The following PXDN variants were observed in gnomAD, a reference collection of about 807,000 sequenced individuals.
The protein encoded by PXDN is peroxidasin, also known as peroxidasin homolog.
A neutral mutation model predicts 140.3 loss-of-function variants in PXDN; 77 were observed. That is an observed-to-expected ratio of 0.55 (90% CI 0.46 to 0.66). The LOEUF (loss-of-function observed/expected upper bound fraction) is 0.66, where lower values mean the gene tolerates loss of function less well. Ranked by LOEUF, PXDN falls within the 30% of genes least tolerant of loss-of-function variation. The pLI, the probability that PXDN is intolerant of heterozygous loss-of-function variation, is 0.00. For missense variants in PXDN, 1,838 were observed against 2,039.5 expected, an observed-to-expected ratio of 0.90 and a Z score of 1.90; for synonymous variants, 911 against 857.4, an observed-to-expected ratio of 1.06 and a Z score of -1.09.
At chr2:1,707,462 A>G (rs1684644898) in intron 1 of PXDN, among the ~76,000 whole-genome samples, 1 of 152,266 alleles carries the variant, frequency 6.6e-6, no homozygotes, top group Non-Finnish European at 1.5e-5. Context: ...TGCCTCATCC[A>G]CGCCTTCTGA....
At position 1,662,064 on chromosome 2, in the gene PXDN, C is replaced by A. The variant is rs377575848; in HGVS notation, c.1680+8G>T. ...GGTGGTGGCTGGCTCGGGCACCAGA[C>A]CGCCTACCTTGTTCCAGGTGATGGC... On this transcript the variant is annotated splice_region_variant and intron_variant, in intron 13 of 22. Transcript: ENST00000252804. 7 of 1,577,672 alleles carry A rather than the reference C, an allele frequency of 4.4e-6. No individual in the cohort carries two copies. In the African/African-American group the frequency reaches 9.4e-5, roughly 21 times the overall value.
intron 14 of PXDN, among the ~76,000 whole-genome samples, chr2:1,656,584 C>A (rs1683139005): frequency 6.6e-6 from 1 of 151,672 alleles, no homozygotes; most frequent in Admixed American, 6.6e-5. Flanking sequence ...GACCTGTCCC[C>A]TCCTGCCTGA....
intron 7 of PXDN, among the ~76,000 whole-genome samples, chr2:1,679,812 T>C (rs1166330965): frequency 6.7e-6 from 1 of 148,920 alleles, no homozygotes; most frequent in Non-Finnish European, 1.5e-5. Flanking sequence ...AAATGGTGTG[T>C]GTGTAAATGG....
intron 1 of PXDN, among the ~76,000 whole-genome samples, chr2:1,729,736 G>T (rs1572200239): frequency 6.6e-6 from 1 of 152,224 alleles, no homozygotes; most frequent in East Asian, 1.9e-4. Context: ...GATTTCTCTA[G>T]AAATGTGCCG....
intron 13 of PXDN, among the ~76,000 whole-genome samples, 183 bp from the exon 14 acceptor site, chr2:1,661,220 G>A (rs930401892): frequency 1.6e-4 from 25 of 152,206 alleles, no homozygotes; most frequent in African/African-American, 6.0e-4. Flanking sequence ...CCAGTGCCAA[G>A]CTGGCGAGAT....
In PXDN at chr2:1,663,502, C is replaced by T. The variant is rs559552084; in HGVS notation, c.1567+103G>A. On this transcript the variant is annotated intron_variant, in intron 12 of 22. Coordinates refer to ENST00000252804, the MANE Select transcript of PXDN (RefSeq NM_012293.3). ...CACAAAATGCAGAGAGAACAGCCAA[C>T]GCTTTATAACGAAGAGTAACACTAA... is the stretch of plus-strand genomic sequence containing the variant. 5.6e-5 allele frequency: 82 copies of T among 1,476,762 alleles called. 1 individual carries two copies. Among genetic ancestry groups the T allele is most frequent in the South Asian group, 4.8e-4 (38 of 78,720 alleles). 91.5% of individuals were successfully genotyped at this position (1,476,762 alleles called of 1,614,324 possible). A position where few individuals can be genotyped will look rare whatever the true frequency, so the allele number is the denominator to read the frequency against.
chr2:1,665,114 A>T, intron 10 of PXDN, 40 bp from the exon 11 acceptor site: 1 of 1,469,398 alleles, frequency 6.8e-7, no homozygotes, highest in Non-Finnish European at 9.4e-7. Context: ...CATGTAAAAA[A>T]CAGCCTGGGG....
At chr2:1,727,799 G>T (rs186622855) in intron 1 of PXDN, among the ~76,000 whole-genome samples, 2 of 152,284 alleles carry the variant, frequency 1.3e-5, no homozygotes, top group African/African-American at 4.8e-5. Flanking sequence ...CTTCCTAATA[G>T]TATAATTAAA....
rs1682652241 is a variant in PXDN, at chr2:1,639,162, G to A, written c.4073+140C>T. ...GCAGCACAGCAGGACGCAGGCTGCGGCCTGGCCCCCAGTGCCCTGGGACGT... is the reference window on the plus strand; with the variant it reads ...GCAGCACAGCAGGACGCAGGCTGCGACCTGGCCCCCAGTGCCCTGGGACGT... On this transcript the variant is annotated intron_variant, in intron 20 of 22. Transcript: ENST00000252804. The surrounding 1 kb of genome is among the most constrained non-coding windows in gnomAD (Gnocchi z 5.0). 4 of 1,480,640 alleles carry A rather than the reference G, an allele frequency of 2.7e-6. No homozygotes were observed. The highest frequency in any genetic ancestry group is 1.4e-5 in the African/African-American group (1 of 71,504). 91.7% of individuals were successfully genotyped at this position (1,480,640 alleles called of 1,614,324 possible).
At chr2:1,680,021 G>T (rs979182547) in intron 7 of PXDN, among the ~76,000 whole-genome samples, 172 bp downstream of exon 7, 1 of 150,986 alleles carries the variant, frequency 6.6e-6, no homozygotes, top group Non-Finnish European at 1.5e-5. Context: ...GATGGTGTAT[G>T]CGTGTATGTG....
At chr2:1,671,418 A>G (rs866705487) in intron 9 of PXDN, among the ~76,000 whole-genome samples, 10 of 151,914 alleles carry the variant, frequency 6.6e-5, no homozygotes, top group African/African-American at 2.4e-4. Flanking sequence ...TTTTTTTTTA[A>G]ATTTCTAGCT....
chr2:1,705,118 AG>A (rs1399094662), intron 1 of PXDN, among the ~76,000 whole-genome samples: 4 of 33,370 alleles, frequency 1.2e-4, no homozygotes, highest in Non-Finnish European at 2.3e-4. Context: ...GAGCCGTGAG[AG>A]CAGAGGGCAC....
chr2:1,649,164 C>T lies in PXDN; in HGVS notation c.2616G>A (p.Gly872=). 1 of 1,612,380 alleles carries T rather than the reference C, an allele frequency of 6.2e-7. No individual in the cohort carries two copies. The highest frequency in any genetic ancestry group is 1.1e-5 in the South Asian group (1 of 90,992). The part of the protein sequence containing the change: ...IPPNDSRARS[G]ARCMFFVRSS... ...AGCGCACGAAGAACATGCAGCGGGCCCCGCTCCTGGCCCGGGAGTCATTGG... is the reference window on the plus strand; with the variant it reads ...AGCGCACGAAGAACATGCAGCGGGCTCCGCTCCTGGCCCGGGAGTCATTGG... The change falls in exon 17 of 23, where the codon GGG becomes GGA. Residue 872 remains glycine (G), a synonymous_variant. Transcript: ENST00000252804. The surrounding 1 kb of genome is among the most constrained non-coding windows in gnomAD (Gnocchi z 7.1).
chr2:1,687,780 GAC>G lies in PXDN; in HGVS notation c.345-79_345-78del. ...TCAGACGGAAAAGAAGAATTAAATT[GAC>G]ACATGGAGACAGTTTTACAATTAAT... On this transcript the variant is annotated intron_variant, in intron 3 of 22. Transcript: ENST00000252804. This position sits in a 1 kb window ranked among gnomAD's most constrained non-coding sequence, Gnocchi z 4.0. 9.3e-7 allele frequency: 1 copy of G among 1,071,906 alleles called. No homozygotes were observed. Among genetic ancestry groups the G allele is most frequent in the Non-Finnish European group, 1.4e-6 (1 of 726,906 alleles). The allele number at this position is 1,071,906 out of a possible 1,614,324, so 66.4% of individuals were successfully genotyped here.
chr2:1,679,696 G>A (rs560064091), intron 7 of PXDN, among the ~76,000 whole-genome samples: 1 of 145,110 alleles, frequency 6.9e-6, no homozygotes, highest in Non-Finnish European at 1.5e-5. Flanking sequence ...TGTGGTCTGT[G>A]TCTGCATGTG....
chr2:1,698,566 A>G (rs1264229822), intron 1 of PXDN, among the ~76,000 whole-genome samples: 2 of 152,214 alleles, frequency 1.3e-5, no homozygotes, highest in Non-Finnish European at 2.9e-5. Flanking sequence ...ACTAAGAAAG[A>G]TCAGGTAATT....
chr2:1,642,668 C>T (rs1021124914), intron 19 of PXDN, among the ~76,000 whole-genome samples: 6 of 152,188 alleles, frequency 3.9e-5, no homozygotes, highest in Non-Finnish European at 8.8e-5. Context: ...AAATTATGTT[C>T]AAATTAGTAA....
rs66561267 is a variant in PXDN, at chr2:1,709,468, GGGGCTGGGGTGCAGCA to G, written c.201-16350_201-16335del. ...AGCCACAGCGGGGCTGGGGTGCAGC[GGGGCTGGGGTGCAGCA>G]GGGCTGGGGTGCAGCATGCCTAAGG... On this transcript the variant is annotated intron_variant, in intron 1 of 22. Coordinates refer to ENST00000252804, the MANE Select transcript of PXDN (RefSeq NM_012293.3). Among the ~76,000 whole-genome samples, 224 of 146,530 alleles carry G rather than the reference GGGGCTGGGGTGCAGCA, an allele frequency of 1.5e-3. 1 individual carries two copies. The highest frequency in any genetic ancestry group is 6.9e-3 in the Middle Eastern group (2 of 290).
chr2:1,673,943 C>A, intron 8 of PXDN, 131 bp from the exon 9 acceptor site: 1 of 935,274 alleles, frequency 1.1e-6, no homozygotes, highest in Admixed American at 2.4e-5. Flanking sequence ...CTTCCAGGGT[C>A]TCCTCCTTCC....
Sources: gnomAD v4.1 joint callset for allele counts (sites outside exome capture counted in the v4.1 genomes callset) on GRCh38, gnomAD v4.1.1 for gene constraint, Gnocchi (gnomAD v3.1) non-coding constraint, MANE v1.5 for transcripts, NCBI Gene and HGNC (gene_info 2026-07-23, HGNC 2026-07-21) for gene names.